The following TNFRSF10B variants were observed in gnomAD, a reference collection of about 807,000 sequenced individuals.
TNFRSF10B encodes TNF receptor superfamily member 10b.
In TNFRSF10B, 35 loss-of-function variants were observed where a neutral mutation model predicts 41.4. The ratio of observed to expected loss-of-function variants is 0.85; its 90% CI spans 0.65 to 1.12. TNFRSF10B has a LOEUF of 1.12. TNFRSF10B is among the 50% of genes most tolerant of loss of function. The probability of loss-of-function intolerance (pLI) is 0.00; values close to 1 mark genes in which losing one functional copy is unlikely to be tolerated. For missense variants in TNFRSF10B, 584 were observed against 552.7 expected, an observed-to-expected ratio of 1.06 and a Z score of -0.57; for synonymous variants, 230 against 215.5, an observed-to-expected ratio of 1.07 and a Z score of -0.59.
intron 2 of TNFRSF10B, among the ~76,000 whole-genome samples, chr8:23,035,583 G>C (rs1213935388): frequency 6.6e-6 from 1 of 152,152 alleles, no homozygotes; most frequent in Non-Finnish European, 1.5e-5. Flanking sequence ...TGCATGTCAG[G>C]GGGTGGGAAA....
Position 23,056,403 on chromosome 8 carries a change from G to C in TNFRSF10B, c.144+12348C>G, listed in dbSNP as rs149540020. Among the ~76,000 whole-genome samples the C allele has an allele frequency of 4.1e-3, 621 of 152,316 alleles. 2 individuals are homozygous for C. Among genetic ancestry groups the C allele is most frequent in the Middle Eastern group, 6.8e-3 (2 of 294 alleles). Reference sequence around the variant, plus strand: ...AGTGTGGCTCACGCCTGTAATCCCAGCATTTTGGGAGGCCGAGGCGGGCGA... The same window carrying C: ...AGTGTGGCTCACGCCTGTAATCCCACCATTTTGGGAGGCCGAGGCGGGCGA... On this transcript the variant is annotated intron_variant, in intron 1 of 8. Coordinates refer to ENST00000276431, the MANE Select transcript of TNFRSF10B (RefSeq NM_003842.5).
intron 6 of TNFRSF10B, 42 bp from the exon 7 acceptor site, chr8:23,027,330 T>G (rs1811733566): frequency 6.2e-7 from 1 of 1,612,230 alleles, no homozygotes; most frequent in Non-Finnish European, 8.5e-7. Flanking sequence ...GACTCAGGAG[T>G]CCACACCTAG....
Position 23,022,697 on chromosome 8 carries a change from C to T in TNFRSF10B, c.1297G>A (p.Gly433Ser), listed in dbSNP as rs150775344. 5.0e-6 allele frequency: 8 copies of T among 1,614,010 alleles called. No individual in the cohort carries two copies. Among genetic ancestry groups the T allele is most frequent in the Non-Finnish European group, 5.9e-6 (7 of 1,180,038 alleles). ...TAGGACATGGCAGAGTCTGCATTAC[C>T]TTCTAGATACATGAACTTTCCAGAG... The part of the protein sequence containing the change: ...LSSGKFMYLE[G>S]NADSAMS The change falls in exon 9 of 9, where the codon GGT (glycine) becomes AGT (serine). Residue 433 changes from glycine (G) to serine (S), a missense_variant. Coordinates refer to ENST00000276431, the MANE Select transcript of TNFRSF10B (RefSeq NM_003842.5).
At chr8:23,027,460 C>G in intron 6 of TNFRSF10B, 172 bp from the exon 7 acceptor site, 1 of 863,672 alleles carries the variant, frequency 1.2e-6, no homozygotes, top group Non-Finnish European at 1.8e-6. Flanking sequence ...GCCAGGCCCC[C>G]AGTGCTGTGC....
In TNFRSF10B at chr8:23,021,260, G is replaced by T. The variant is rs1357058260; in HGVS notation, c.*1411C>A. ...AGCCATTCTAGGTCCTGTTGCCACAGTGTTTAAGAATTGACATTTCTGAGA... is the reference window on the plus strand; with the variant it reads ...AGCCATTCTAGGTCCTGTTGCCACATTGTTTAAGAATTGACATTTCTGAGA... On this transcript the variant is annotated 3_prime_UTR_variant, in exon 9 of 9. Transcript: ENST00000276431. 2.2e-6 allele frequency: 1 copy of T among 454,154 alleles called. No individual in the cohort carries two copies. Among genetic ancestry groups the T allele is most frequent in the Admixed American group, 2.3e-5 (1 of 42,580 alleles). 28.1% of individuals were successfully genotyped at this position (454,154 alleles called of 1,614,324 possible).
intron 6 of TNFRSF10B, 107 bp downstream of exon 6, chr8:23,027,615 G>T: frequency 6.6e-6 from 10 of 1,511,542 alleles, no homozygotes; most frequent in Non-Finnish European, 9.1e-6. Context: ...ACTTCAGAGA[G>T]TCAGGGCAGC....
At chr8:23,067,672 G>A (rs1563327909) in intron 1 of TNFRSF10B, among the ~76,000 whole-genome samples, 1 of 152,186 alleles carries the variant, frequency 6.6e-6, no homozygotes, top group Non-Finnish European at 1.5e-5. Flanking sequence ...GTGAGACCAA[G>A]GACATACTGT....
chr8:23,028,562 A>C lies in TNFRSF10B; in HGVS notation c.517T>G (p.Trp173Gly). Residue 173 changes from tryptophan (W) to glycine (G), a missense_variant, in exon 5 of 9, where the codon TGG becomes GGG. Physicochemically the swap from Trp to Gly is radical, Grantham distance 184. Coordinates refer to ENST00000276431, the MANE Select transcript of TNFRSF10B (RefSeq NM_003842.5). ...TTGTGGACACATTCGATGTCACTCC[A>C]GGGTGTACAATCACCGACCTTGACC... ...GMVKVGDCTP[W>G]SDIECVHKES... 1 of 1,614,114 alleles carries C rather than the reference A, an allele frequency of 6.2e-7. No homozygotes were observed. Among genetic ancestry groups the C allele is most frequent in the Non-Finnish European group, 8.5e-7 (1 of 1,179,994 alleles).
chr8:23,049,735 C>T (rs1812465393), intron 1 of TNFRSF10B: 1 of 152,116 alleles, frequency 6.6e-6, no homozygotes. Context: ...CTCTCTTCCT[C>T]CCCAGTTCAC....
chr8:23,063,793 C>T (rs1464712322), intron 1 of TNFRSF10B, among the ~76,000 whole-genome samples: 1 of 152,198 alleles, frequency 6.6e-6, no homozygotes, highest in African/African-American at 2.4e-5. Flanking sequence ...ATGGGTGGAT[C>T]TGATGAGGGA....
At chr8:23,068,468 C>CA in intron 1 of TNFRSF10B, 1 of 535,918 alleles carries the variant, frequency 1.9e-6, no homozygotes, top group Non-Finnish European at 3.3e-6. Context: ...TCCGTGGCTT[C>CA]ACGCAGCTTA....
chr8:23,027,742 C>G lies in TNFRSF10B; in HGVS notation c.760G>C (p.Asp254His), dbSNP rs775274443. The part of the protein sequence containing the change: ...LKGICSGGGG[D>H]PERVDRSSQR... ...CTCACTCTGTCCACACGCTCAGGGT[C>G]CCCACCACCACCTAAAAAAGAAGCA... Residue 254 changes from aspartate (D) to histidine (H), a missense_variant, in exon 6 of 9, where the codon GAC (aspartate) becomes CAC (histidine). Coordinates refer to ENST00000276431, the MANE Select transcript of TNFRSF10B (RefSeq NM_003842.5). The G allele has an allele frequency of 9.3e-6, 15 of 1,613,928 alleles. No homozygotes were observed. The highest frequency in any genetic ancestry group is 1.6e-4 in the Middle Eastern group (1 of 6,080).
chr8:23,021,332 T>C lies in TNFRSF10B; in HGVS notation c.*1339A>G. 2 of 454,148 alleles carry C rather than the reference T, an allele frequency of 4.4e-6. No individual in the cohort carries two copies. Among genetic ancestry groups the C allele is most frequent in the Non-Finnish European group, 8.8e-6 (2 of 226,790 alleles). The allele number at this position is 454,148 out of a possible 1,614,324, so 28.1% of individuals were successfully genotyped here. ...GGCCAAGGTCCTCAAGTAGGCAATC[T>C]GTACCCTAAAAGGCAGCTCATGGGC... On this transcript the variant is annotated 3_prime_UTR_variant, in exon 9 of 9. Transcript: ENST00000276431.
chr8:23,034,483 T>C (rs565131290), intron 2 of TNFRSF10B, among the ~76,000 whole-genome samples: 1 of 152,270 alleles, frequency 6.6e-6, no homozygotes, highest in South Asian at 2.1e-4. Flanking sequence ...TTCCAGCACA[T>C]TGGGAGGTCA....
At chr8:23,052,745 G>A (rs573400681) in intron 1 of TNFRSF10B, among the ~76,000 whole-genome samples, 5 of 152,204 alleles carry the variant, frequency 3.3e-5, no homozygotes, top group African/African-American at 1.2e-4. Context: ...GTAAATAGTT[G>A]GTCTAAATTA....
chr8:23,029,172 T>A (rs1811804646), intron 4 of TNFRSF10B, among the ~76,000 whole-genome samples: 1 of 152,220 alleles, frequency 6.6e-6, no homozygotes. Context: ...GCTCCACCCA[T>A]GGCCTTATTA....
intron 1 of TNFRSF10B, among the ~76,000 whole-genome samples, chr8:23,045,278 A>C (rs913282400): frequency 1.3e-5 from 2 of 152,160 alleles, no homozygotes; most frequent in African/African-American, 4.8e-5. Flanking sequence ...ACAGAAATGC[A>C]AAGGATCATA....
In TNFRSF10B at chr8:23,054,453, G is replaced by A. The variant is rs570688652; in HGVS notation, c.145-11210C>T. On this transcript the variant is annotated intron_variant, in intron 1 of 8. Transcript: ENST00000276431. ...TCTACCTGATTTTCTCCAGAATTTC[G>A]AAACTGTGAGTATTCTTAAGTTATG... 6.2e-4 allele frequency among the ~76,000 whole-genome samples: 95 copies of A among 152,226 alleles called. No individual in the cohort carries two copies. The South Asian group carries it at 0.018, about 30-fold the overall frequency.
Position 23,020,572 on chromosome 8 carries a change from A to T in TNFRSF10B, c.*2099T>A, listed in dbSNP as rs928124522. The T allele has an allele frequency of 1.7e-4, 74 of 447,122 alleles. No homozygotes were observed. Among genetic ancestry groups the T allele is most frequent in the African/African-American group, 1.2e-3 (61 of 49,738 alleles). 27.7% of individuals were successfully genotyped at this position (447,122 alleles called of 1,614,324 possible). ...CCAGGCGTGGTGGCGGGTGCCTGCA[A>T]TCCCAGCTACTCCGGAGGCTGAGGC... On this transcript the variant is annotated 3_prime_UTR_variant, in exon 9 of 9. Coordinates refer to ENST00000276431, the MANE Select transcript of TNFRSF10B (RefSeq NM_003842.5).
Sources: allele counts gnomAD v4.1 joint callset (sites outside exome capture counted in the v4.1 genomes callset), GRCh38; gene constraint gnomAD v4.1.1; transcripts MANE v1.5; gene names NCBI Gene and HGNC (gene_info 2026-07-23, HGNC 2026-07-21).